Variants in CDH18 observed in about 807,000 individuals in gnomAD.
The protein encoded by CDH18 is cadherin-18.
A neutral mutation model predicts 67.9 loss-of-function variants in CDH18; 31 were observed. That is an observed-to-expected ratio of 0.46 (90% CI 0.34 to 0.62). CDH18 has a LOEUF of 0.62. Ranked by LOEUF, CDH18 falls within the 20% of genes least tolerant of loss-of-function variation. CDH18 has a pLI of 0.01. For missense variants in CDH18, 890 were observed against 975.5 expected, an observed-to-expected ratio of 0.91 and a Z score of 1.17; for synonymous variants, 362 against 347.2, an observed-to-expected ratio of 1.04 and a Z score of -0.48.
intron 2 of CDH18, among the ~76,000 whole-genome samples, chr5:20,036,567 A>G (rs147405600): frequency 1.1e-3 from 172 of 152,164 alleles, no homozygotes; most frequent in African/African-American, 4.0e-3. Context: ...AAGCAACGTT[A>G]TGCTTAATAT....
chr5:20,211,338 A>T (rs1210419073), intron 2 of CDH18, among the ~76,000 whole-genome samples: 2 of 152,118 alleles, frequency 1.3e-5, no homozygotes, highest in African/African-American at 4.8e-5. Flanking sequence ...AACCAAATGC[A>T]GCAGAAACTT....
Position 19,889,932 on chromosome 5 carries a change from A to T in CDH18, c.-256-50690T>A, listed in dbSNP as rs567203688. ...CATGAGAAAAATCTTGCAATGCAAG[A>T]TGAGGCTATTAACAGGAAAAGGCCA... On this transcript the variant is annotated intron_variant, in intron 2 of 12. Coordinates refer to ENST00000382275, the MANE Select transcript of CDH18 (RefSeq NM_004934.5). 2.4e-4 allele frequency among the ~76,000 whole-genome samples: 36 copies of T among 152,290 alleles called. No homozygotes were observed. The East Asian group carries it at 7.0e-3, about 29-fold the overall frequency.
chr5:20,386,695 C>A (rs914032063), intron 1 of CDH18, among the ~76,000 whole-genome samples: 4 of 152,030 alleles, frequency 2.6e-5, no homozygotes, highest in African/African-American at 9.7e-5. Flanking sequence ...ATATGATATT[C>A]AATTTTTATA....
chr5:19,744,503 T>TACACACACACACACAC (rs34059092), intron 4 of CDH18, among the ~76,000 whole-genome samples: 18 of 146,268 alleles, frequency 1.2e-4, no homozygotes, highest in African/African-American at 4.5e-4. Context: ...TAACTCAGTG[T>TACACACACACACACAC]ACACACACAC....
intron 5 of CDH18, among the ~76,000 whole-genome samples, chr5:19,669,804 C>T (rs530264833): frequency 2.6e-5 from 4 of 152,216 alleles, no homozygotes; most frequent in East Asian, 1.9e-4. Flanking sequence ...CTCTGTGCAT[C>T]GTACATACTA....
chr5:19,994,060 T>C (rs904715580), intron 2 of CDH18, among the ~76,000 whole-genome samples: 2 of 152,064 alleles, frequency 1.3e-5, no homozygotes, highest in African/African-American at 4.8e-5. Flanking sequence ...AGGTATTCTT[T>C]GAGCTGTATT....
At chr5:20,063,037 G>A (rs1742643450) in intron 2 of CDH18, among the ~76,000 whole-genome samples, 2 of 137,100 alleles carry the variant, frequency 1.5e-5, no homozygotes, top group African/African-American at 5.4e-5. Context: ...CACCCAGGCT[G>A]GGGTACACCA....
chr5:20,138,073 C>T (rs1749892603), intron 2 of CDH18, among the ~76,000 whole-genome samples: 1 of 152,016 alleles, frequency 6.6e-6, no homozygotes, highest in Non-Finnish European at 1.5e-5. Context: ...CAATAAAATA[C>T]TGGCAAACCG....
Position 19,497,977 on chromosome 5 carries a change from A to C in CDH18, c.1630+5015T>G, listed in dbSNP as rs76979327. Among the ~76,000 whole-genome samples the C allele has an allele frequency of 8.0e-3, 1,221 of 152,270 alleles. 40 individuals are homozygous for C. The East Asian group carries it at 0.097, about 12-fold the overall frequency. Reference sequence around the variant, plus strand: ...GTCAAAGACAAAGGATTTTTTACTTACATCACAGCAAGGAGCATAAGTTCT... The same window carrying C: ...GTCAAAGACAAAGGATTTTTTACTTCCATCACAGCAAGGAGCATAAGTTCT... On this transcript the variant is annotated intron_variant, in intron 11 of 12. Coordinates refer to ENST00000382275, the MANE Select transcript of CDH18 (RefSeq NM_004934.5).
intron 3 of CDH18, among the ~76,000 whole-genome samples, chr5:19,765,656 G>A (rs1772980424): frequency 6.6e-6 from 1 of 152,068 alleles, no homozygotes; most frequent in Non-Finnish European, 1.5e-5. Flanking sequence ...TCCTCGCTCT[G>A]GGAATTCAAC....
At chr5:19,760,346 T>A (rs1772167341) in intron 3 of CDH18, among the ~76,000 whole-genome samples, 1 of 152,116 alleles carries the variant, frequency 6.6e-6, no homozygotes, top group Admixed American at 6.6e-5. Context: ...CCAGCTGGGA[T>A]GAGTAGGTCT....
chr5:20,442,395 A>G (rs1413225726), intron 1 of CDH18, among the ~76,000 whole-genome samples: 1 of 152,000 alleles, frequency 6.6e-6, no homozygotes, highest in Non-Finnish European at 1.5e-5. Context: ...ACCTTATATA[A>G]TATAAAATTA....
intron 6 of CDH18, among the ~76,000 whole-genome samples, chr5:19,601,082 A>T (rs1038780653): frequency 6.6e-6 from 1 of 152,172 alleles, no homozygotes; most frequent in Admixed American, 6.5e-5. Flanking sequence ...GAAAAAATAA[A>T]TTCAAGCATT....
chr5:20,107,967 G>T (rs1747116330), intron 2 of CDH18, among the ~76,000 whole-genome samples: 1 of 136,782 alleles, frequency 7.3e-6, no homozygotes, highest in Non-Finnish European at 1.5e-5. Flanking sequence ...CTGTTTGTGT[G>T]CCTATGTCCC....
At chr5:20,481,447 G>A (rs906688285) in intron 1 of CDH18, among the ~76,000 whole-genome samples, 5 of 152,050 alleles carry the variant, frequency 3.3e-5, no homozygotes, top group Non-Finnish European at 7.4e-5. Context: ...CACTTAATCA[G>A]CACTATAGAA....
At chr5:20,262,795 A>G (rs1212947092) in intron 1 of CDH18, among the ~76,000 whole-genome samples, 1 of 151,970 alleles carries the variant, frequency 6.6e-6, no homozygotes, top group African/African-American at 2.4e-5. Flanking sequence ...TTAAAAATCG[A>G]TCAGTTAAGT....
chr5:20,014,905 G>A (rs1362090155), intron 2 of CDH18, among the ~76,000 whole-genome samples: 1 of 152,014 alleles, frequency 6.6e-6, no homozygotes, highest in African/African-American at 2.4e-5. Flanking sequence ...AAATTCTGAG[G>A]TCCATTTTTC....
Position 19,520,663 on chromosome 5 carries a change from A to G in CDH18, c.1506T>C (p.Pro502=), listed in dbSNP as rs774780029. 3 of 1,609,566 alleles carry G rather than the reference A, an allele frequency of 1.9e-6. No individual in the cohort carries two copies. The highest frequency in any genetic ancestry group is 1.6e-4 in the Middle Eastern group (1 of 6,068). ...AAGGAAACAATTAACTTACCTGGCC[A>G]GGCTTAGAATTTTCACATACAATAA... ...YDIIVCENSK[P]GQVIHTISAT... Residue 502 remains proline (P), a synonymous_variant, in exon 10 of 13, where the codon CCT becomes CCC. Coordinates refer to ENST00000382275, the MANE Select transcript of CDH18 (RefSeq NM_004934.5).
At chr5:20,008,123 A>G (rs1737073851) in intron 2 of CDH18, among the ~76,000 whole-genome samples, 1 of 152,074 alleles carries the variant, frequency 6.6e-6, no homozygotes, top group South Asian at 2.1e-4. Flanking sequence ...TAAACTTAAT[A>G]TGACTTCTGC....
Sources: allele counts gnomAD v4.1 joint callset (sites outside exome capture counted in the v4.1 genomes callset), GRCh38; gene constraint gnomAD v4.1.1; transcripts MANE v1.5; gene names NCBI Gene and HGNC (gene_info 2026-07-23, HGNC 2026-07-21).